GDPD1: variants seen among roughly 807,000 people sequenced by gnomAD.
The protein encoded by GDPD1 is lysophospholipase D GDPD1.
In GDPD1, 28 loss-of-function variants were observed where a neutral mutation model predicts 45.1. The ratio of observed to expected loss-of-function variants is 0.62; its 90% CI spans 0.46 to 0.85. The LOEUF (loss-of-function observed/expected upper bound fraction) is 0.85. Among genes scored for constraint, GDPD1 ranks in the 40% least tolerant of loss-of-function variants. The pLI is 0.00. For missense variants in GDPD1, 256 were observed against 364.8 expected, an observed-to-expected ratio of 0.70 and a Z score of 2.43; for synonymous variants, 139 against 131.4, an observed-to-expected ratio of 1.06 and a Z score of -0.40.
At chr17:59,246,638 G>A (rs550380774) in intron 3 of GDPD1, among the ~76,000 whole-genome samples, 28 of 134,104 alleles carry the variant, frequency 2.1e-4, no homozygotes, top group African/African-American at 8.0e-4. Context: ...GAACCCAGGA[G>A]GCGTAGGTTG....
chr17:59,226,283 G>A (rs1301193863), intron 1 of GDPD1, among the ~76,000 whole-genome samples: 1 of 151,342 alleles, frequency 6.6e-6, no homozygotes, highest in Non-Finnish European at 1.5e-5. Context: ...CATAGTTTTA[G>A]ATCAAAACAA....
At chr17:59,263,613 G>A (rs2047376416) in intron 6 of GDPD1, among the ~76,000 whole-genome samples, 1 of 150,752 alleles carries the variant, frequency 6.6e-6, no homozygotes, top group African/African-American at 2.4e-5. Context: ...CGAGTAGCTG[G>A]GATTACAGGC....
chr17:59,220,515 C>G lies in GDPD1; in HGVS notation c.-95C>G. On this transcript the variant is annotated 5_prime_UTR_variant, in exon 1 of 10. Transcript: ENST00000284116. ...CCAGTGGCACCGGCTGGGGGCGAGC[C>G]GACCTCGAGCAGCCGCCGCCGCCGC... The G allele has an allele frequency of 7.2e-7, 1 of 1,384,552 alleles. No homozygotes were observed. 85.8% of individuals were successfully genotyped at this position (1,384,552 alleles called of 1,614,324 possible).
intron 1 of GDPD1, among the ~76,000 whole-genome samples, chr17:59,234,161 C>T (rs1190439539): frequency 6.6e-6 from 1 of 151,862 alleles, no homozygotes; most frequent in Non-Finnish European, 1.5e-5. Flanking sequence ...TCCTGGCTAA[C>T]ACGGTGAAAC....
chr17:59,249,352 G>A (rs9910235), intron 4 of GDPD1: 11,908 of 152,038 alleles, frequency 0.078, 1,012 homozygotes, highest in African/African-American at 0.2. Flanking sequence ...CTGAGATTGC[G>A]CCATTGCACT....
chr17:59,272,756 C>T, intron 8 of GDPD1, 29 bp from the exon 9 acceptor site: 1 of 1,381,104 alleles, frequency 7.2e-7, no homozygotes, highest in South Asian at 1.2e-5. Context: ...GACTAAATTC[C>T]TAAATCAGTT....
intron 7 of GDPD1, among the ~76,000 whole-genome samples, chr17:59,269,449 A>G (rs1409760009): frequency 6.6e-6 from 1 of 151,408 alleles, no homozygotes; most frequent in Admixed American, 6.6e-5. Context: ...TTTCTCAGAC[A>G]AAACAATAGA....
chr17:59,255,829 GCGTATATA>G (rs1568346862), intron 4 of GDPD1, among the ~76,000 whole-genome samples: 54 of 50,880 alleles, frequency 1.1e-3, no homozygotes, highest in Non-Finnish European at 1.4e-3. Context: ...ATATATATAC[GCGTATATA>G]TATATATATA....
chr17:59,255,472 T>C (rs1204556668), intron 4 of GDPD1, among the ~76,000 whole-genome samples: 2 of 151,128 alleles, frequency 1.3e-5, no homozygotes, highest in African/African-American at 4.9e-5. Flanking sequence ...CCGGGCACAG[T>C]GGCTCACGCT....
At chr17:59,267,352 A>C (rs779105600) in intron 7 of GDPD1, among the ~76,000 whole-genome samples, 178 bp downstream of exon 7, 8 of 152,220 alleles carry the variant, frequency 5.3e-5, no homozygotes, top group Admixed American at 6.5e-5. Context: ...TAAAACAAAT[A>C]ATCAGGACCC....
intron 4 of GDPD1, among the ~76,000 whole-genome samples, chr17:59,254,174 C>T (rs1191765480): frequency 6.6e-6 from 1 of 151,424 alleles, no homozygotes; most frequent in East Asian, 1.9e-4. Context: ...CCAGCCTGAA[C>T]AACATGGAGA....
At chr17:59,247,924 C>A (rs1459713814) in intron 3 of GDPD1, among the ~76,000 whole-genome samples, 1 of 152,074 alleles carries the variant, frequency 6.6e-6, no homozygotes, top group African/African-American at 2.4e-5. Context: ...GCCACTGCAC[C>A]CAGCCTGCAC....
chr17:59,262,248 C>A (rs2047362741), intron 6 of GDPD1, among the ~76,000 whole-genome samples: 1 of 152,054 alleles, frequency 6.6e-6, no homozygotes, highest in African/African-American at 2.4e-5. Flanking sequence ...GGAGATGCAG[C>A]CTTCCATGTA....
At chr17:59,237,585 A>T (rs1157543427) in intron 2 of GDPD1, among the ~76,000 whole-genome samples, 3 of 152,124 alleles carry the variant, frequency 2.0e-5, no homozygotes. Context: ...TAAAACTTAG[A>T]TCTTATTTAT....
chr17:59,227,759 A>G (rs897833324), intron 1 of GDPD1, among the ~76,000 whole-genome samples: 1 of 152,224 alleles, frequency 6.6e-6, no homozygotes, highest in East Asian at 1.9e-4. Flanking sequence ...AGAGACCTCT[A>G]TAAAAGTTGA....
At chr17:59,243,271 C>T (rs945030959) in intron 2 of GDPD1, among the ~76,000 whole-genome samples, 5 of 149,802 alleles carry the variant, frequency 3.3e-5, no homozygotes, top group Admixed American at 6.7e-5. Context: ...TTTGGGAGGC[C>T]GAAGAGGGTG....
At chr17:59,245,209 GAT>G (rs1214721678) in intron 2 of GDPD1, among the ~76,000 whole-genome samples, 4 of 152,108 alleles carry the variant, frequency 2.6e-5, no homozygotes, top group Non-Finnish European at 5.9e-5. Context: ...AGGATAACTG[GAT>G]ATGGAAAGGA....
chr17:59,233,655 C>T (rs188695947), intron 1 of GDPD1, among the ~76,000 whole-genome samples: 20 of 152,036 alleles, frequency 1.3e-4, no homozygotes, highest in African/African-American at 4.6e-4. Flanking sequence ...TTACCCTGAA[C>T]ATTATTTTTT....
At chr17:59,223,234 G>C (rs2047019867) in intron 1 of GDPD1, among the ~76,000 whole-genome samples, 1 of 152,020 alleles carries the variant, frequency 6.6e-6, no homozygotes, top group Admixed American at 6.6e-5. Context: ...TGTAAATGCG[G>C]CATCAGTATT....
Sources: gnomAD v4.1 joint callset for allele counts (sites outside exome capture counted in the v4.1 genomes callset) on GRCh38, gnomAD v4.1.1 for gene constraint, MANE v1.5 for transcripts, NCBI Gene and HGNC (gene_info 2026-07-23, HGNC 2026-07-21) for gene names.